Variants in CEP104 observed in about 807,000 individuals in gnomAD.
CEP104 encodes centrosomal protein of 104 kDa.
Under a neutral mutation model 113.3 loss-of-function variants are expected in CEP104, and 84 were observed. That is an observed-to-expected ratio of 0.74 (90% confidence interval 0.62 to 0.89). The LOEUF is 0.89. CEP104 is among the 40% of genes least tolerant of loss of function. CEP104 has a pLI of 0.00. For missense variants in CEP104, 1,053 were observed against 1,156.6 expected, an observed-to-expected ratio of 0.91 and a Z score of 1.30; for synonymous variants, 378 against 421.7, an observed-to-expected ratio of 0.90 and a Z score of 1.27.
At chr1:3,837,183 G>T in intron 9 of CEP104, 109 bp downstream of exon 9, 1 of 850,984 alleles carries the variant, frequency 1.2e-6, no homozygotes, top group Non-Finnish European at 1.9e-6. Context: ...GGTGGGTCTG[G>T]CTGGGGAGCA....
At chr1:3,825,490 C>T (rs752459243) in intron 18 of CEP104, among the ~76,000 whole-genome samples, 4 of 152,138 alleles carry the variant, frequency 2.6e-5, no homozygotes, top group Non-Finnish European at 5.9e-5. Flanking sequence ...CAAGGAGGAC[C>T]CATTTGTGGT....
rs770948522 is a variant in CEP104, at chr1:3,823,110, A to G, written c.2571+64T>C. Reference sequence around the variant, plus strand: ...GTCCCGCACTGACACCACCACTGTCACCACCACTGCCATCCACAGGTGTGT... The same window carrying G: ...GTCCCGCACTGACACCACCACTGTCGCCACCACTGCCATCCACAGGTGTGT... On this transcript the variant is annotated intron_variant, in intron 20 of 21. Coordinates refer to ENST00000378230, the MANE Select transcript of CEP104 (RefSeq NM_014704.4). This position sits in a 1 kb window ranked among gnomAD's most constrained non-coding sequence, Gnocchi z 4.1. 6.8e-7 allele frequency: 1 copy of G among 1,480,988 alleles called. No individual in the cohort carries two copies. The highest frequency in any genetic ancestry group is 1.4e-5 in the African/African-American group (1 of 72,364). 91.7% of individuals were successfully genotyped at this position (1,480,988 alleles called of 1,614,324 possible).
chr1:3,845,147 C>G (rs1644484711), intron 5 of CEP104, 142 bp downstream of exon 5: 1 of 816,540 alleles, frequency 1.2e-6, no homozygotes, highest in Non-Finnish European at 2.0e-6. Flanking sequence ...TATGCTACAG[C>G]TCCTAAAAAT....
chr1:3,823,142 C>T lies in CEP104; in HGVS notation c.2571+32G>A, dbSNP rs1349541520. 1.9e-6 allele frequency: 3 copies of T among 1,607,694 alleles called. No homozygotes were observed. Among genetic ancestry groups the T allele is most frequent in the East Asian group, 2.2e-5 (1 of 44,870 alleles). On this transcript the variant is annotated intron_variant, in intron 20 of 21. Transcript: ENST00000378230. This position sits in a 1 kb window ranked among gnomAD's most constrained non-coding sequence, Gnocchi z 4.1. ...CTGCCATCCACAGGTGTGTCACCTA[C>T]TTCACTGGTCCCTTCTCCCCAGGCC... is the stretch of plus-strand genomic sequence containing the variant.
chr1:3,830,864 G>A (rs990906513), intron 13 of CEP104, among the ~76,000 whole-genome samples, 182 bp downstream of exon 13: 10 of 151,990 alleles, frequency 6.6e-5, no homozygotes, highest in African/African-American at 2.2e-4. Context: ...ATGCACCACC[G>A]AGTAGGATTA....
intron 12 of CEP104, among the ~76,000 whole-genome samples, chr1:3,831,991 G>C (rs954853416): frequency 3.3e-5 from 5 of 152,226 alleles, no homozygotes; most frequent in African/African-American, 1.2e-4. Context: ...ATGCTGTTGA[G>C]TGTGTATTTC....
chr1:3,829,596 C>A (rs1644159839), intron 14 of CEP104, 195 bp downstream of exon 14: 1 of 682,178 alleles, frequency 1.5e-6, no homozygotes, highest in Non-Finnish European at 2.5e-6. Flanking sequence ...AGCCTGGGAA[C>A]CTAAGGGTCT....
Position 3,831,052 on chromosome 1 carries a change from C to T in CEP104, c.1830G>A (p.Val610=). The T allele has an allele frequency of 6.2e-7, 1 of 1,613,376 alleles. No individual in the cohort carries two copies. The part of the protein sequence containing the change: ...TGSSGFTIDN[V]MKFSVSALEH... ...ACACGCGAGGTCTGCTTACCTTCAT[C>T]ACGTTGTCAATGGTGAAGCCCGAGC... Residue 610 remains valine (V), a synonymous_variant, in exon 13 of 22, where the codon GTG becomes GTA. Transcript: ENST00000378230.
chr1:3,825,369 C>T (rs1394246945), intron 18 of CEP104, among the ~76,000 whole-genome samples: 1 of 152,172 alleles, frequency 6.6e-6, no homozygotes, highest in Non-Finnish European at 1.5e-5. Flanking sequence ...GCAGCCCTGG[C>T]GCACAGCGGA....
At chr1:3,827,717 C>T (rs962681921) in intron 15 of CEP104, among the ~76,000 whole-genome samples, 7 of 152,240 alleles carry the variant, frequency 4.6e-5, no homozygotes, top group Non-Finnish European at 7.3e-5. Context: ...CCGTCATTCT[C>T]CTGGGAGAGG....
intron 1 of CEP104, among the ~76,000 whole-genome samples, 156 bp downstream of exon 1, chr1:3,856,733 C>T (rs1644739652): frequency 6.6e-6 from 1 of 152,116 alleles, no homozygotes; most frequent in Non-Finnish European, 1.5e-5. Context: ...GCAAGGCCGG[C>T]ATCTAACTCC....
intron 1 of CEP104, among the ~76,000 whole-genome samples, chr1:3,853,818 G>C (rs1644661274): frequency 1.3e-5 from 2 of 152,154 alleles, no homozygotes; most frequent in African/African-American, 4.8e-5. Context: ...GATGAGGCTG[G>C]GTGTGGTGGT....
At chr1:3,832,012 C>T (rs780002742) in intron 12 of CEP104, among the ~76,000 whole-genome samples, 6 of 152,138 alleles carry the variant, frequency 3.9e-5, no homozygotes, top group African/African-American at 9.7e-5. Context: ...GTCCACTAAC[C>T]GGCACACTGG....
rs374882639 is a variant in CEP104, at chr1:3,833,782, T to A, written c.1659+80A>T. The A allele has an allele frequency of 2.3e-6, 3 of 1,329,372 alleles. No homozygotes were observed. The African/African-American group carries it at 4.4e-5, about 19-fold the overall frequency. 82.3% of individuals were successfully genotyped at this position (1,329,372 alleles called of 1,614,324 possible). A position where few individuals can be genotyped will look rare whatever the true frequency, so the allele number is the denominator to read the frequency against. ...TTAACTGAGTAGAGACAGAATCTTG[T>A]AAAAGGTGTTAAGAAAGCCAGAGAG... On this transcript the variant is annotated intron_variant, in intron 12 of 21. Transcript: ENST00000378230.
chr1:3,836,468 G>GTTTT (rs36051675), intron 10 of CEP104, 27 bp downstream of exon 10: 13,114 of 996,508 alleles, frequency 0.013, 62 homozygotes, highest in Middle Eastern at 0.018. Context: ...CTGCCACCCC[G>GTTTT]TTTTTTTTTT....
chr1:3,816,137 A>G (rs1207401204), intron 21 of CEP104, 143 bp downstream of exon 21: 7 of 656,994 alleles, frequency 1.1e-5, no homozygotes, highest in Non-Finnish European at 1.8e-5. Flanking sequence ...CTAAGGAACC[A>G]GAACATGAAG....
At position 3,829,965 on chromosome 1, in the gene CEP104, A is replaced by G. The variant is rs1176331625; in HGVS notation, c.1869T>C (p.Tyr623=). Residue 623 remains tyrosine, a synonymous_variant, in exon 14 of 22, where the codon TAT becomes TAC. Coordinates refer to ENST00000378230, the MANE Select transcript of CEP104 (RefSeq NM_014704.4). The part of the protein sequence containing the change: ...FSVSALEHRV[Y]EVRETAVRII... ...TTCGAACCGCCGTCTCGCGGACCTC[A>G]TACACTCTATGCTCCAGGGCACTCA... 6.2e-7 allele frequency: 1 copy of G among 1,614,152 alleles called. No individual in the cohort carries two copies.
chr1:3,856,133 G>A (rs945389677), intron 1 of CEP104, among the ~76,000 whole-genome samples: 9 of 152,218 alleles, frequency 5.9e-5, no homozygotes, highest in Non-Finnish European at 1.0e-4. Context: ...GTGTGACTGC[G>A]CGCGGTGGCT....
rs1643807389 is a variant in CEP104 at position 3,812,118 on chromosome 1, T to C, written c.*3284A>G. 1 of 152,224 alleles carries C rather than the reference T, an allele frequency of 6.6e-6. No homozygotes were observed. Among genetic ancestry groups the C allele is most frequent in the African/African-American group, 2.4e-5 (1 of 41,464 alleles). 9.4% of individuals were successfully genotyped at this position (152,224 alleles called of 1,614,324 possible). ...ATCTTTTTATTATATTAATATACTC[T>C]GGGTGAATTAACCCTTAAGCCCTAA... On this transcript the variant is annotated 3_prime_UTR_variant, in exon 22 of 22. Coordinates refer to ENST00000378230, the MANE Select transcript of CEP104 (RefSeq NM_014704.4).
Sources: gnomAD v4.1 joint callset for allele counts (sites outside exome capture counted in the v4.1 genomes callset) on GRCh38, gnomAD v4.1.1 for gene constraint, Gnocchi (gnomAD v3.1) non-coding constraint, MANE v1.5 for transcripts, NCBI Gene and HGNC (gene_info 2026-07-23, HGNC 2026-07-21) for gene names.